CAP2: variants seen among roughly 807,000 people sequenced by gnomAD.
The protein encoded by CAP2 is cyclase associated actin cytoskeleton regulatory protein 2.
In CAP2, 24 loss-of-function variants were observed where a neutral mutation model predicts 57.7. The ratio of observed to expected loss-of-function variants is 0.42; its 90% CI spans 0.30 to 0.58. CAP2 has a LOEUF of 0.58. CAP2 is among the 20% of genes least tolerant of loss of function. CAP2 has a pLI of 0.22. For missense variants in CAP2, 501 were observed against 590.3 expected (o/e 0.85, Z 1.57); for synonymous variants, 194 against 207.2 (o/e 0.94, Z 0.55).
At chr6:17,475,450 A>C (rs767269136) in intron 4 of CAP2, among the ~76,000 whole-genome samples, 1 of 152,186 alleles carries the variant, frequency 6.6e-6, no homozygotes, top group Non-Finnish European at 1.5e-5. Flanking sequence ...CAAGCGAGAT[A>C]GTGTTGGTGA....
chr6:17,522,793 T>A (rs939833837), intron 7 of CAP2, among the ~76,000 whole-genome samples: 1 of 152,182 alleles, frequency 6.6e-6, no homozygotes, highest in Non-Finnish European at 1.5e-5. Flanking sequence ...CCATAGGTTT[T>A]GTTGTTTGTT....
At chr6:17,509,880 G>A (rs1028100179) in intron 6 of CAP2, among the ~76,000 whole-genome samples, 1 of 151,748 alleles carries the variant, frequency 6.6e-6, no homozygotes, top group South Asian at 2.1e-4. Context: ...ATATTATTTG[G>A]CCATAAAAAA....
chr6:17,507,353 G>A (rs754006723), intron 5 of CAP2, 41 bp downstream of exon 5: 9 of 1,604,442 alleles, frequency 5.6e-6, no homozygotes, highest in East Asian at 4.5e-5. Context: ...CTCATCACAC[G>A]TTTGGAGTAT....
At chr6:17,533,846 G>T (rs146686196) in intron 7 of CAP2, among the ~76,000 whole-genome samples, 4 of 152,124 alleles carry the variant, frequency 2.6e-5, no homozygotes, top group African/African-American at 9.7e-5. Flanking sequence ...GATTACAGGC[G>T]TGAGCCACTG....
At chr6:17,400,879 A>G (rs980745064) in intron 1 of CAP2, among the ~76,000 whole-genome samples, 2 of 151,862 alleles carry the variant, frequency 1.3e-5, no homozygotes, top group Non-Finnish European at 2.9e-5. Flanking sequence ...AAAAAAAAAA[A>G]AGAATCACTG....
At chr6:17,489,711 T>G (rs932979811) in intron 4 of CAP2, among the ~76,000 whole-genome samples, 1 of 151,938 alleles carries the variant, frequency 6.6e-6, no homozygotes, top group African/African-American at 2.4e-5. Flanking sequence ...TACCTAGGGT[T>G]TTGCATCCAT....
At chr6:17,478,999 C>T (rs78007720) in intron 4 of CAP2, among the ~76,000 whole-genome samples, 2,112 of 152,242 alleles carry the variant, frequency 0.014, 45 homozygotes, top group African/African-American at 0.047. Context: ...GTACATATTC[C>T]TTTAAGATTC....
At position 17,556,483 on chromosome 6, in the gene CAP2, A is replaced by G. The variant is rs369695457; in HGVS notation, c.*41A>G. 33 of 1,384,486 alleles carry G rather than the reference A, an allele frequency of 2.4e-5. No homozygotes were observed. In the African/African-American group the frequency reaches 4.0e-4, roughly 17 times the overall value. 85.8% of individuals were successfully genotyped at this position (1,384,486 alleles called of 1,614,324 possible). A position where few individuals can be genotyped will look rare whatever the true frequency, so the allele number is the denominator to read the frequency against. On this transcript the variant is annotated 3_prime_UTR_variant, in exon 13 of 13. Coordinates refer to ENST00000229922, the MANE Select transcript of CAP2 (RefSeq NM_006366.3). Reference sequence around the variant, plus strand: ...AACCCCCTCACCTGAATCCCCCTCTATCAAACAAACAAAAAAGCAGCAGTA... The same window carrying G: ...AACCCCCTCACCTGAATCCCCCTCTGTCAAACAAACAAAAAAGCAGCAGTA...
intron 4 of CAP2, among the ~76,000 whole-genome samples, chr6:17,487,607 T>C (rs1761450222): frequency 1.3e-5 from 2 of 152,068 alleles, no homozygotes; most frequent in Admixed American, 6.6e-5. Flanking sequence ...GTAGCTGGGA[T>C]TACAGGCACC....
chr6:17,408,037 A>G (rs554092117), intron 1 of CAP2, among the ~76,000 whole-genome samples: 3 of 152,324 alleles, frequency 2.0e-5, no homozygotes, highest in African/African-American at 4.8e-5. Flanking sequence ...GCATATAATT[A>G]CAATGAATGC....
intron 7 of CAP2, among the ~76,000 whole-genome samples, chr6:17,516,883 C>T (rs1376177879): frequency 1.3e-5 from 2 of 152,166 alleles, no homozygotes; most frequent in African/African-American, 2.4e-5. Flanking sequence ...TATTCTACTT[C>T]GCCTATTTTC....
At chr6:17,395,170 G>A (rs955282721) in intron 1 of CAP2, among the ~76,000 whole-genome samples, 3 of 152,180 alleles carry the variant, frequency 2.0e-5, no homozygotes, top group African/African-American at 7.2e-5. Context: ...TCGTTAATGT[G>A]AGAAGTAATT....
intron 1 of CAP2, among the ~76,000 whole-genome samples, chr6:17,408,660 CTTTTTTTTTT>C (rs35571407): frequency 8.3e-6 from 1 of 120,454 alleles, no homozygotes; most frequent in African/African-American, 3.4e-5. Context: ...TGATAGCCTC[CTTTTTTTTTT>C]TTTTTTTTTG....
At chr6:17,533,486 G>C (rs1275068892) in intron 7 of CAP2, among the ~76,000 whole-genome samples, 1 of 151,844 alleles carries the variant, frequency 6.6e-6, no homozygotes. Flanking sequence ...AGCATTTTTC[G>C]GCGTTGTGCT....
intron 3 of CAP2, among the ~76,000 whole-genome samples, chr6:17,443,440 G>A (rs542894537): frequency 3.3e-5 from 5 of 152,068 alleles, no homozygotes; most frequent in East Asian, 1.9e-4. Context: ...TCTAGACTTC[G>A]AGATAACTCT....
At chr6:17,542,198 C>T (rs1379939688) in intron 9 of CAP2, among the ~76,000 whole-genome samples, 2 of 152,112 alleles carry the variant, frequency 1.3e-5, no homozygotes, top group African/African-American at 2.4e-5. Context: ...CAAGACAGAC[C>T]GTTAATATAT....
At chr6:17,468,325 T>C (rs1437450699) in intron 4 of CAP2, among the ~76,000 whole-genome samples, 1 of 152,224 alleles carries the variant, frequency 6.6e-6, no homozygotes. Flanking sequence ...CATTCTCTAA[T>C]ACTAGGACAT....
intron 1 of CAP2, among the ~76,000 whole-genome samples, chr6:17,413,814 GAGACCAAGGC>G (rs2113521551): frequency 6.6e-6 from 1 of 152,300 alleles, no homozygotes; most frequent in African/African-American, 2.4e-5. Context: ...AGCACTTTGG[GAGACCAAGGC>G]AGGTGGATCA....
chr6:17,539,509 C>A, intron 8 of CAP2, 51 bp downstream of exon 8: 1 of 1,472,138 alleles, frequency 6.8e-7, no homozygotes, highest in Non-Finnish European at 9.3e-7. Context: ...CTCTGGCTCC[C>A]AGACACAAAA....
Sources: allele counts gnomAD v4.1 joint callset (sites outside exome capture counted in the v4.1 genomes callset), GRCh38; gene constraint gnomAD v4.1.1; transcripts MANE v1.5; gene names NCBI Gene and HGNC (gene_info 2026-07-23, HGNC 2026-07-21).